CAST: variants seen among roughly 807,000 people sequenced by gnomAD.
The protein encoded by CAST is calpastatin, also known as MIR583 host.
CAST carries 76 observed loss-of-function variants against 119.6 expected under a neutral mutation model. The ratio of observed to expected loss-of-function variants is 0.64; its 90% CI spans 0.53 to 0.77. The LOEUF (loss-of-function observed/expected upper bound fraction) is 0.77, where lower values mean the gene tolerates loss of function less well. CAST is among the 30% of genes least tolerant of loss of function. CAST has a pLI of 0.00. For synonymous variants in CAST, 319 were observed against 331.6 expected (o/e 0.96, Z 0.41); for missense variants, 953 against 946.5 (o/e 1.01, Z -0.09).
At chr5:96,613,454 T>C (rs1333515654) in intron 1 of CAST, among the ~76,000 whole-genome samples, 3 of 152,214 alleles carry the variant, frequency 2.0e-5, no homozygotes, top group Admixed American at 6.5e-5. Context: ...TATCTGTATT[T>C]TCTGTTTAAG....
the CAST span, among the ~76,000 whole-genome samples, chr5:96,088,973 A>T: frequency 6.7e-6 from 1 of 149,794 alleles, no homozygotes; most frequent in Admixed American, 6.7e-5. Context: ...GTTTTCAGGG[A>T]TTTATTCCAT....
At chr5:96,222,753 C>T in the CAST span, among the ~76,000 whole-genome samples, 1 of 152,126 alleles carries the variant, frequency 6.6e-6, no homozygotes, top group Admixed American at 6.6e-5. Context: ...AATCCCTCCC[C>T]TCTAATATAT....
chr5:96,256,877 G>C, the CAST span, among the ~76,000 whole-genome samples: 2 of 152,122 alleles, frequency 1.3e-5, no homozygotes, highest in Non-Finnish European at 2.9e-5. Flanking sequence ...AGCACAGGGA[G>C]GGGCACCAGG....
At chr5:96,072,629 C>G in the CAST span, among the ~76,000 whole-genome samples, 1 of 152,196 alleles carries the variant, frequency 6.6e-6, no homozygotes. Flanking sequence ...AGCAATATCC[C>G]TGGCATAGCT....
At chr5:96,474,816 A>G in the CAST span, among the ~76,000 whole-genome samples, 78 of 152,338 alleles carry the variant, frequency 5.1e-4, no homozygotes, top group African/African-American at 1.6e-3. Context: ...CGTCTTGGAT[A>G]TCTCGAGGGA....
chr5:96,641,022 A>G (rs1266587002), intron 1 of CAST, among the ~76,000 whole-genome samples: 3 of 152,226 alleles, frequency 2.0e-5, no homozygotes, highest in Non-Finnish European at 4.4e-5. Flanking sequence ...TTGCAAAAGC[A>G]TACTGTCAAA....
chr5:96,123,965 AC>A, the CAST span, among the ~76,000 whole-genome samples: 1 of 152,060 alleles, frequency 6.6e-6, no homozygotes, highest in Non-Finnish European at 1.5e-5. Flanking sequence ...CTATTCAGTT[AC>A]CTCTTGTTTC....
the CAST span, among the ~76,000 whole-genome samples, chr5:96,164,236 AAGAAAGAAT>A: frequency 6.6e-6 from 1 of 152,224 alleles, no homozygotes; most frequent in Non-Finnish European, 1.5e-5. Flanking sequence ...GTTGTACGTA[AAGAAAGAAT>A]AGAAAGAATA....
At chr5:96,497,188 A>G in the CAST span, among the ~76,000 whole-genome samples, 1 of 151,742 alleles carries the variant, frequency 6.6e-6, no homozygotes, top group South Asian at 2.1e-4. Context: ...AAGGACATGA[A>G]CTCATCCTTT....
At chr5:96,632,380 A>T (rs1000274578) in intron 1 of CAST, among the ~76,000 whole-genome samples, 1 of 150,558 alleles carries the variant, frequency 6.6e-6, no homozygotes, top group South Asian at 2.1e-4. Context: ...ATATATAAAA[A>T]TTTATATATA....
intron 26 of CAST, among the ~76,000 whole-genome samples, chr5:96,765,801 TA>T (rs1156902655): frequency 1.4e-5 from 2 of 143,518 alleles, no homozygotes; most frequent in Non-Finnish European, 3.2e-5. Flanking sequence ...TTTAATCATT[TA>T]TTTCCATTTA....
the CAST span, among the ~76,000 whole-genome samples, chr5:96,301,308 C>T: frequency 1.9e-3 from 289 of 152,250 alleles, 1 homozygote; most frequent in African/African-American, 6.8e-3. Context: ...AACCCCTCCT[C>T]CAACATTGAG....
chr5:96,591,197 T>C (rs1746956389), intron 1 of CAST, among the ~76,000 whole-genome samples: 1 of 152,234 alleles, frequency 6.6e-6, no homozygotes, highest in South Asian at 2.1e-4. Flanking sequence ...GAAACAGATG[T>C]CAGCCTAAAT....
chr5:96,514,890 T>A, the CAST span, among the ~76,000 whole-genome samples: 1 of 152,116 alleles, frequency 6.6e-6, no homozygotes, highest in African/African-American at 2.4e-5. Context: ...TAGCTGGGAT[T>A]TCAGGTGTGC....
chr5:96,293,844 G>C, the CAST span, among the ~76,000 whole-genome samples: 1 of 151,848 alleles, frequency 6.6e-6, no homozygotes, highest in African/African-American at 2.4e-5. Context: ...TGCAACCTCT[G>C]CCTCCTGGGT....
the CAST span, among the ~76,000 whole-genome samples, chr5:96,031,457 C>T: frequency 6.6e-6 from 1 of 152,040 alleles, no homozygotes; most frequent in Admixed American, 6.6e-5. Context: ...TTTACAAAAC[C>T]ACTTTTGCCC....
At chr5:96,567,426 A>T (rs1746487426) in intron 1 of CAST, among the ~76,000 whole-genome samples, 1 of 152,128 alleles carries the variant, frequency 6.6e-6, no homozygotes, top group South Asian at 2.1e-4. Context: ...CTGACCACAA[A>T]AAGGCATTAT....
chr5:96,512,593 T>C, the CAST span, among the ~76,000 whole-genome samples: 11 of 152,338 alleles, frequency 7.2e-5, no homozygotes, highest in East Asian at 1.9e-3. Context: ...GTGAGTTAAC[T>C]AATGAAAAAC....
Position 96,774,316 on chromosome 5 carries a change from A to AAAC in CAST, c.*1705_*1707dup, listed in dbSNP as rs546369029. 2.8e-3 allele frequency: 528 copies of AAAC among 189,748 alleles called. 2 individuals are homozygous for AAAC. Among genetic ancestry groups the AAAC allele is most frequent in the African/African-American group, 0.012 (502 of 42,306 alleles). 11.8% of individuals were successfully genotyped at this position (189,748 alleles called of 1,614,324 possible). On this transcript the variant is annotated 3_prime_UTR_variant, in exon 32 of 32. Transcript: ENST00000675179. Reference sequence around the variant, plus strand: ...GAAGTTTAAAGATGCCTATAAAAGTAAACAACATTTATTTAAAAAGAACTC... The same window carrying AAAC: ...GAAGTTTAAAGATGCCTATAAAAGTAAACAACAACATTTATTTAAAAAGAACTC...
Sources: allele counts gnomAD v4.1 joint callset (sites outside exome capture counted in the v4.1 genomes callset), GRCh38; gene constraint gnomAD v4.1.1; transcripts MANE v1.5; gene names NCBI Gene and HGNC (gene_info 2026-07-23, HGNC 2026-07-21).